The following ASPM variants were observed in gnomAD, a reference collection of about 807,000 sequenced individuals.
ASPM encodes the protein abnormal spindle-like microcephaly-associated protein.
In ASPM, 256 loss-of-function variants were observed where a neutral mutation model predicts 366.4. The observed-to-expected ratio is 0.70, with a 90% CI of 0.63 to 0.77. The LOEUF (loss-of-function observed/expected upper bound fraction) is 0.77, where lower values mean the gene tolerates loss of function less well. ASPM is among the 30% of genes least tolerant of loss of function. The probability of loss-of-function intolerance (pLI) is 0.00; values close to 1 mark genes in which losing one functional copy is unlikely to be tolerated. For missense variants in ASPM, 4,146 were observed against 4,090.4 expected (o/e 1.01, Z -0.37); for synonymous variants, 1,414 against 1,342.9 (o/e 1.05, Z -1.16).
chr1:197,118,212 A>G (rs1008165165), intron 16 of ASPM, among the ~76,000 whole-genome samples: 2 of 152,174 alleles, frequency 1.3e-5, no homozygotes, highest in African/African-American at 4.8e-5. Context: ...CCTAAGAAAT[A>G]GTCTAAGATA....
intron 16 of ASPM, among the ~76,000 whole-genome samples, chr1:197,120,513 G>C (rs879536035): frequency 2.0e-5 from 3 of 152,092 alleles, no homozygotes; most frequent in Non-Finnish European, 2.9e-5. Context: ...CTGGGTGACA[G>C]AGTGAGACCT....
rs759301866 is a variant in ASPM at position 197,100,472 on chromosome 1, G to A, written c.8779C>T (p.Arg2927Trp). ...CTATTTTTAATTTCCTGAAACTTCC[G>A]TTTCTGTATAAATCCTTTACTTCTA... is the stretch of plus-strand genomic sequence containing the variant. The part of the protein sequence containing the change: ...QARSKGFIQK[R>W]KFQEIKNSTI... The change falls in exon 18 of 28, where the codon CGG becomes TGG. Residue 2927 changes from arginine to tryptophan, a missense_variant. Transcript: ENST00000367409. The A allele has an allele frequency of 2.1e-5, 33 of 1,576,878 alleles. No individual in the cohort carries two copies. The highest frequency in any genetic ancestry group is 5.5e-5 in the Admixed American group (3 of 54,908).
intron 1 of ASPM, 151 bp downstream of exon 1, chr1:197,145,990 C>A: frequency 1.0e-6 from 1 of 984,494 alleles, no homozygotes; most frequent in Non-Finnish European, 1.5e-6. Flanking sequence ...CCAAGAGCCA[C>A]CCACAGTTAT....
chr1:197,142,519 T>A lies in ASPM; in HGVS notation c.1733A>T (p.Asp578Val), dbSNP rs1658619332. The A allele has an allele frequency of 6.2e-7, 1 of 1,614,078 alleles. No homozygotes were observed. Among genetic ancestry groups the A allele is most frequent in the Non-Finnish European group, 8.5e-7 (1 of 1,179,910 alleles). The part of the protein sequence containing the change: ...TASVARKRKS[D>V]GSMEDANVRV... ...CACATTTGCATCTTCCATGCTTCCA[T>A]CGCTCTTTCTTTTCCGAGCAACTGA... Residue 578 changes from aspartate (D) to valine (V), a missense_variant, in exon 3 of 28, where the codon GAT becomes GTT. Transcript: ENST00000367409.
At chr1:197,137,526 T>C (rs1191099079) in intron 4 of ASPM, among the ~76,000 whole-genome samples, 4 of 152,176 alleles carry the variant, frequency 2.6e-5, no homozygotes, top group Non-Finnish European at 2.9e-5. Flanking sequence ...CTGTCACTCA[T>C]GCTGGAGTGC....
In ASPM at chr1:197,129,276, A is replaced by G. The variant is rs752797956; in HGVS notation, c.2671T>C (p.Leu891=). 9.9e-6 allele frequency: 16 copies of G among 1,612,978 alleles called. No homozygotes were observed. In the East Asian group the frequency reaches 1.6e-4, roughly 16 times the overall value. ...ALSKFTLKKL[L]LLVCFLDYAK... ...TAATCAAGAAAACAGACCAACAACA[A>G]TAACTTTTTCAATGTAAACTTGGAC... The change falls in exon 9 of 28, where the codon TTG becomes CTG. Residue 891 remains leucine (L), a synonymous_variant. Coordinates refer to ENST00000367409, the MANE Select transcript of ASPM (RefSeq NM_018136.5).
rs1042313942 is a variant in ASPM, at chr1:197,122,735, T to A, written c.3391-140A>T. On this transcript the variant is annotated intron_variant, in intron 13 of 27. Coordinates refer to ENST00000367409, the MANE Select transcript of ASPM (RefSeq NM_018136.5). ...GGCAAGTAATGGCAAGTTTGACTGG[T>A]AAACTCTAAAATTTAAAAGAAAAAA... The A allele has an allele frequency of 3.3e-5, 27 of 824,958 alleles. No individual in the cohort carries two copies. In the East Asian group the frequency reaches 6.7e-4, roughly 20 times the overall value. 51.1% of individuals were successfully genotyped at this position (824,958 alleles called of 1,614,324 possible). A position where few individuals can be genotyped will look rare whatever the true frequency, so the allele number is the denominator to read the frequency against.
chr1:197,137,792 A>C (rs1231889482), intron 4 of ASPM, among the ~76,000 whole-genome samples: 1 of 152,060 alleles, frequency 6.6e-6, no homozygotes, highest in Admixed American at 6.5e-5. Flanking sequence ...TATTTTTACA[A>C]CTTTGATAAC....
At chr1:197,121,844 A>C (rs1020972066) in intron 16 of ASPM, 71 bp downstream of exon 16, 173 of 1,501,818 alleles carry the variant, frequency 1.2e-4, no homozygotes, top group Non-Finnish European at 1.6e-4. Flanking sequence ...GTAAAATCAT[A>C]TCAAAAATCA....
chr1:197,131,360 A>G (rs898128537), intron 7 of ASPM, among the ~76,000 whole-genome samples: 1 of 152,202 alleles, frequency 6.6e-6, no homozygotes, highest in African/African-American at 2.4e-5. Context: ...CGCACAAAAG[A>G]TACTTTTAAT....
Position 197,146,652 on chromosome 1 carries a change from G to C in ASPM, c.-215C>G. On this transcript the variant is annotated 5_prime_UTR_variant, in exon 1 of 28. Coordinates refer to ENST00000367409, the MANE Select transcript of ASPM (RefSeq NM_018136.5). Reference sequence around the variant, plus strand: ...CAAATTAAAAAGAGGAGCCAAACAAGTATGGCGTTTTGACTCTGTTTAAAC... The same window carrying C: ...CAAATTAAAAAGAGGAGCCAAACAACTATGGCGTTTTGACTCTGTTTAAAC... 1.6e-6 allele frequency: 1 copy of C among 611,472 alleles called. No homozygotes were observed. The highest frequency in any genetic ancestry group is 2.9e-6 in the Non-Finnish European group (1 of 349,974). The allele number at this position is 611,472 out of a possible 1,614,324, so 37.9% of individuals were successfully genotyped here.
chr1:197,140,826 G>A (rs1478787851), intron 3 of ASPM, among the ~76,000 whole-genome samples: 1 of 152,124 alleles, frequency 6.6e-6, no homozygotes, highest in Non-Finnish European at 1.5e-5. Flanking sequence ...AGAGTCAATG[G>A]AGACAAATCA....
In ASPM at chr1:197,122,420, G is replaced by T. The variant is rs143805893; in HGVS notation, c.3566C>A (p.Ser1189Tyr). 5 of 1,613,700 alleles carry T rather than the reference G, an allele frequency of 3.1e-6. No homozygotes were observed. In the African/African-American group the frequency reaches 6.7e-5, roughly 22 times the overall value. The change falls in exon 14 of 28, where the codon TCT becomes TAT. Residue 1189 changes from serine (S) to tyrosine (Y), a missense_variant. Transcript: ENST00000367409. Reference sequence around the variant, plus strand: ...AAATGCTTTAAGAGACATATCCAGAGAACTGTCATCAGATTCAGATGATGA... The same window carrying T: ...AAATGCTTTAAGAGACATATCCAGATAACTGTCATCAGATTCAGATGATGA... Reference protein sequence around the residue: ...LNSSSESDDSSLDMSLKAFDH... With the variant: ...LNSSSESDDSYLDMSLKAFDH...
At chr1:197,144,592 A>G (rs1658707687) in intron 1 of ASPM, among the ~76,000 whole-genome samples, 1 of 152,148 alleles carries the variant, frequency 6.6e-6, no homozygotes. Context: ...AAGTGCAGGT[A>G]TCCTGTAAAA....
chr1:197,105,071 G>T lies in ASPM; in HGVS notation c.4180C>A (p.Leu1394Ile), dbSNP rs759544893. The T allele has an allele frequency of 7.5e-6, 12 of 1,609,950 alleles. No individual in the cohort carries two copies. The South Asian group carries it at 9.9e-5, about 13-fold the overall frequency. The change falls in exon 18 of 28, where the codon CTT (leucine) becomes ATT (isoleucine). Residue 1394 changes from leucine (L) to isoleucine (I), a missense_variant. Transcript: ENST00000367409. The part of the protein sequence containing the change: ...IIAVTSYKRY[L>I]WATVTIQRHW... The stretch of plus-strand genomic sequence containing the variant: ...CTCTGAATTGTAACTGTAGCCCAAA[G>T]ATATCGTTTATAAGATGTAACAGCA...
In ASPM at chr1:197,132,329, A is replaced by C; in HGVS notation, c.2443T>G (p.Trp815Gly). The C allele has an allele frequency of 6.2e-7, 1 of 1,613,362 alleles. No individual in the cohort carries two copies. Among genetic ancestry groups the C allele is most frequent in the Non-Finnish European group, 8.5e-7 (1 of 1,179,542 alleles). Reference sequence around the variant, plus strand: ...CACAAAGGATTGTAGGACAACAGCCAATTCAGGACTTTCTGACGTTCTCCT... The same window carrying C: ...CACAAAGGATTGTAGGACAACAGCCCATTCAGGACTTTCTGACGTTCTCCT... ...DVGERQKVLNWLLSYNPLWLR... is the reference protein window; with the variant it reads ...DVGERQKVLNGLLSYNPLWLR... The change falls in exon 7 of 28, where the codon TGG (tryptophan) becomes GGG (glycine). Residue 815 changes from tryptophan (W) to glycine (G), a missense_variant. Trp to Gly is a radical substitution (Grantham distance 184, BLOSUM62 -2). Around this residue, in one of 3 missense-constraint regions of ASPM, gnomAD observed 3,624 missense variants for 3,591.7 expected, o/e 1.01. Coordinates refer to ENST00000367409, the MANE Select transcript of ASPM (RefSeq NM_018136.5).
chr1:197,088,222 T>C (rs772720392), intron 26 of ASPM, 34 bp downstream of exon 26: 3 of 1,596,244 alleles, frequency 1.9e-6, no homozygotes, highest in African/African-American at 1.3e-5. Context: ...CACAGAAAAA[T>C]AATCTTAAAG....
chr1:197,097,752 T>C (rs1324703991), intron 18 of ASPM, among the ~76,000 whole-genome samples: 1 of 151,688 alleles, frequency 6.6e-6, no homozygotes, highest in Non-Finnish European at 1.5e-5. Flanking sequence ...AGTAAAAGAC[T>C]GGTTAATGGT....
At chr1:197,145,810 C>T (rs1168969433) in intron 1 of ASPM, among the ~76,000 whole-genome samples, 2 of 151,002 alleles carry the variant, frequency 1.3e-5, no homozygotes, top group Non-Finnish European at 2.9e-5. Flanking sequence ...GTTGTCCCCG[C>T]CCAAGTTAGC....
Sources: allele counts gnomAD v4.1 joint callset (sites outside exome capture counted in the v4.1 genomes callset), GRCh38; gene constraint gnomAD v4.1.1; regional missense constraint gnomAD v4.1.1; transcripts MANE v1.5; gene names NCBI Gene and HGNC (gene_info 2026-07-23, HGNC 2026-07-21).